The following UMAD1 variants were observed in gnomAD, a reference collection of about 807,000 sequenced individuals.
The protein encoded by UMAD1 is UBAP1-MVB12-associated (UMA)-domain containing protein 1.
UMAD1 carries 8 observed loss-of-function variants against 6.1 expected under a neutral mutation model. The ratio of observed to expected loss-of-function variants is 1.30; its 90% CI spans 0.76 to 2.35. The LOEUF is 2.35. Among genes scored for constraint, UMAD1 ranks in the 30% most tolerant of loss-of-function variants. The pLI is 0.00. For missense variants in UMAD1, 130 were observed against 78.4 expected (o/e 1.66, Z -2.49); for synonymous variants, 56 against 31.4 (o/e 1.78, Z -2.61).
At position 7,694,498 on chromosome 7, in the gene UMAD1, G is replaced by A. The variant is rs143572663; in HGVS notation, c.82+21045G>A. On this transcript the variant is annotated intron_variant, in intron 2 of 3. Coordinates refer to ENST00000682710, the MANE Select transcript of UMAD1 (RefSeq NM_001302348.2). ...TTATTGTATCAAACTATGTATTTTT[G>A]TACCCATTAACCATCTCCATTCCCC... 3.3e-5 allele frequency among the ~76,000 whole-genome samples: 5 copies of A among 151,860 alleles called. No homozygotes were observed. The East Asian group carries it at 9.7e-4, about 29-fold the overall frequency.
intron 3 of UMAD1, among the ~76,000 whole-genome samples, chr7:7,809,966 A>T (rs986303088): frequency 6.6e-5 from 10 of 152,064 alleles, no homozygotes; most frequent in Admixed American, 5.2e-4. Flanking sequence ...AAAGAATGGA[A>T]TAAGATTACT....
At chr7:7,644,230 C>CT (rs1210231160) in intron 1 of UMAD1, among the ~76,000 whole-genome samples, 3 of 151,724 alleles carry the variant, frequency 2.0e-5, no homozygotes, top group African/African-American at 7.3e-5. Context: ...TTATGTTTAT[C>CT]TTTTTTTCCT....
At chr7:7,804,033 C>T (rs1053598067) in intron 3 of UMAD1, among the ~76,000 whole-genome samples, 1 of 152,180 alleles carries the variant, frequency 6.6e-6, no homozygotes, top group Non-Finnish European at 1.5e-5. Context: ...CAAACAAGCT[C>T]ATTATTGTGC....
At chr7:7,861,462 C>G (rs1460951044) in intron 3 of UMAD1, among the ~76,000 whole-genome samples, 1 of 152,202 alleles carries the variant, frequency 6.6e-6, no homozygotes. Context: ...GAGCCAAGGT[C>G]AAGTGACACA....
At chr7:7,774,253 G>T (rs1248781750) in intron 2 of UMAD1, among the ~76,000 whole-genome samples, 1 of 152,152 alleles carries the variant, frequency 6.6e-6, no homozygotes, top group African/African-American at 2.4e-5. Flanking sequence ...GGATTAGAAA[G>T]GTAGAGTAAC....
intron 1 of UMAD1, among the ~76,000 whole-genome samples, chr7:7,668,912 C>T (rs1465234089): frequency 6.6e-6 from 1 of 152,148 alleles, no homozygotes; most frequent in Non-Finnish European, 1.5e-5. Context: ...GGCACTCACA[C>T]ACCCACCCAC....
chr7:7,771,785 G>C (rs1563193438), intron 2 of UMAD1, among the ~76,000 whole-genome samples: 2 of 152,114 alleles, frequency 1.3e-5, no homozygotes, highest in Non-Finnish European at 2.9e-5. Context: ...GTCTCCATGG[G>C]TGGGGGTGAG....
intron 3 of UMAD1, among the ~76,000 whole-genome samples, chr7:7,836,047 T>C (rs978159962): frequency 6.6e-6 from 1 of 152,082 alleles, no homozygotes; most frequent in Non-Finnish European, 1.5e-5. Flanking sequence ...TGCTATTTTA[T>C]GGTCTTTATT....
chr7:7,830,427 A>G lies in UMAD1; in HGVS notation c.156+28684A>G, dbSNP rs931020544. Among the ~76,000 whole-genome samples the G allele has an allele frequency of 6.6e-6, 1 of 151,922 alleles. No individual in the cohort carries two copies. Among genetic ancestry groups the G allele is most frequent in the Non-Finnish European group, 1.5e-5 (1 of 67,986 alleles). On this transcript the variant is annotated intron_variant, in intron 3 of 3. Transcript: ENST00000682710. The surrounding 1 kb of genome is among the most constrained non-coding windows in gnomAD (Gnocchi z 5.3). ...TCTGCTTGAAGCACGTTCATACTAT[A>G]TTGATTTTTTACCTCTATTAGGTAA...
intron 2 of UMAD1, among the ~76,000 whole-genome samples, chr7:7,782,973 T>C (rs116717915): frequency 9.1e-4 from 139 of 152,332 alleles, no homozygotes; most frequent in African/African-American, 3.3e-3. Flanking sequence ...CTTCAGGTAA[T>C]CTGCCTCCCT....
chr7:7,702,916 G>A (rs893408377), intron 2 of UMAD1, among the ~76,000 whole-genome samples: 8 of 152,216 alleles, frequency 5.3e-5, no homozygotes, highest in Admixed American at 2.6e-4. Context: ...CCTAGCTACA[G>A]GGGAAAATCA....
chr7:7,838,203 G>T (rs1245929910), intron 3 of UMAD1, among the ~76,000 whole-genome samples: 2 of 152,164 alleles, frequency 1.3e-5, no homozygotes, highest in Non-Finnish European at 2.9e-5. Flanking sequence ...GGCGCATATA[G>T]TCTGTTTTGT....
At chr7:7,664,549 C>T (rs899655117) in intron 1 of UMAD1, among the ~76,000 whole-genome samples, 1 of 152,170 alleles carries the variant, frequency 6.6e-6, no homozygotes, top group Non-Finnish European at 1.5e-5. Context: ...GTTCCTTCCT[C>T]TAGTGAGGTT....
At chr7:7,759,209 G>A (rs917006280) in intron 2 of UMAD1, among the ~76,000 whole-genome samples, 1 of 152,190 alleles carries the variant, frequency 6.6e-6, no homozygotes, top group Non-Finnish European at 1.5e-5. Context: ...GGACAAAAGT[G>A]TATGTAGTGT....
chr7:7,732,559 A>C (rs1781278844), intron 2 of UMAD1, among the ~76,000 whole-genome samples: 1 of 152,228 alleles, frequency 6.6e-6, no homozygotes, highest in Non-Finnish European at 1.5e-5. Flanking sequence ...GTTTAAATTT[A>C]TAGACTTCAA....
At chr7:7,876,159 A>G (rs1355083027) in intron 3 of UMAD1, among the ~76,000 whole-genome samples, 1 of 152,226 alleles carries the variant, frequency 6.6e-6, no homozygotes, top group East Asian at 1.9e-4. Context: ...TAAGGGAAGT[A>G]GCCCTGTGTA....
chr7:7,701,288 G>T (rs1780457736), intron 2 of UMAD1, among the ~76,000 whole-genome samples: 1 of 152,162 alleles, frequency 6.6e-6, no homozygotes, highest in Non-Finnish European at 1.5e-5. Context: ...TTGTGGCTGA[G>T]AAAGTTAAAA....
At chr7:7,710,602 A>C (rs1388166843) in intron 2 of UMAD1, among the ~76,000 whole-genome samples, 1 of 152,232 alleles carries the variant, frequency 6.6e-6, no homozygotes, top group African/African-American at 2.4e-5. Context: ...TATTGATGAT[A>C]GGAATGTAAA....
intron 2 of UMAD1, among the ~76,000 whole-genome samples, chr7:7,698,703 C>T (rs1349658790): frequency 6.6e-6 from 1 of 152,014 alleles, no homozygotes; most frequent in Admixed American, 6.6e-5. Context: ...AACCTTCTTT[C>T]TCCAGCTCTT....
Sources: gnomAD v4.1 joint callset for allele counts (sites outside exome capture counted in the v4.1 genomes callset) on GRCh38, gnomAD v4.1.1 for gene constraint, Gnocchi (gnomAD v3.1) non-coding constraint, MANE v1.5 for transcripts, NCBI Gene and HGNC (gene_info 2026-07-23, HGNC 2026-07-21) for gene names.